NXPH1: variants seen among roughly 807,000 people sequenced by gnomAD.
The protein encoded by NXPH1 is neurexophilin-1.
In NXPH1, 5 loss-of-function variants were observed where a neutral mutation model predicts 23.7. That is an observed-to-expected ratio of 0.21 (90% CI 0.11 to 0.44). NXPH1 has a LOEUF of 0.44. NXPH1 is among the 20% of genes least tolerant of loss of function. The pLI, the probability that NXPH1 is intolerant of heterozygous loss-of-function variation, is 0.99. For missense variants in NXPH1, 324 were observed against 321.6 expected, an observed-to-expected ratio of 1.01 and a Z score of -0.06; for synonymous variants, 144 against 122.2, an observed-to-expected ratio of 1.18 and a Z score of -1.18.
At chr7:8,744,631 C>T (rs1780437867) in intron 2 of NXPH1, among the ~76,000 whole-genome samples, 2 of 152,188 alleles carry the variant, frequency 1.3e-5, no homozygotes, top group Non-Finnish European at 2.9e-5. Context: ...GATCCTTGTT[C>T]CCAGTTTCCT....
chr7:8,499,052 C>A (rs563785002), intron 2 of NXPH1, among the ~76,000 whole-genome samples: 2 of 152,156 alleles, frequency 1.3e-5, no homozygotes, highest in South Asian at 4.1e-4. Context: ...TAGTGTAAAG[C>A]CTCCTATCAG....
chr7:8,464,657 T>C (rs192751322), intron 2 of NXPH1, among the ~76,000 whole-genome samples: 72 of 152,326 alleles, frequency 4.7e-4, no homozygotes, highest in African/African-American at 1.6e-3. Context: ...ATAACCAATT[T>C]CCTCGTTTAT....
At chr7:8,618,171 C>A (rs1819786942) in intron 2 of NXPH1, among the ~76,000 whole-genome samples, 1 of 152,078 alleles carries the variant, frequency 6.6e-6, no homozygotes, top group Admixed American at 6.6e-5. Flanking sequence ...CAACACTAAC[C>A]AAAAGGGTAG....
At chr7:8,624,564 G>A (rs958143059) in intron 2 of NXPH1, among the ~76,000 whole-genome samples, 8 of 152,084 alleles carry the variant, frequency 5.3e-5, no homozygotes, top group African/African-American at 1.9e-4. Context: ...AACCAGAAGG[G>A]AAAAGATAGT....
intron 2 of NXPH1, among the ~76,000 whole-genome samples, chr7:8,621,133 T>C (rs931212143): frequency 2.6e-5 from 4 of 152,134 alleles, no homozygotes; most frequent in African/African-American, 9.7e-5. Context: ...ATTTAATTAA[T>C]GTATATAACT....
chr7:8,447,339 G>A (rs1816422917), intron 2 of NXPH1, among the ~76,000 whole-genome samples: 1 of 152,200 alleles, frequency 6.6e-6, no homozygotes, highest in Non-Finnish European at 1.5e-5. Context: ...AAAGATGCAA[G>A]CCACTGCATG....
chr7:8,449,739 T>A (rs950065611), intron 2 of NXPH1, among the ~76,000 whole-genome samples: 20 of 152,238 alleles, frequency 1.3e-4, no homozygotes, highest in Non-Finnish European at 2.4e-4. Flanking sequence ...AAGAAATAAC[T>A]GTTGCCTTCC....
At chr7:8,732,948 T>A (rs1270703992) in intron 2 of NXPH1, among the ~76,000 whole-genome samples, 3 of 152,232 alleles carry the variant, frequency 2.0e-5, no homozygotes, top group Non-Finnish European at 4.4e-5. Flanking sequence ...TACATAGGTA[T>A]ACATGTGCCA....
At chr7:8,565,302 A>G (rs1485202926) in intron 2 of NXPH1, among the ~76,000 whole-genome samples, 1 of 151,770 alleles carries the variant, frequency 6.6e-6, no homozygotes, top group African/African-American at 2.4e-5. Flanking sequence ...CAAGAACATC[A>G]CTGGAAAGAG....
At chr7:8,726,461 A>G (rs905102092) in intron 2 of NXPH1, among the ~76,000 whole-genome samples, 2 of 147,646 alleles carry the variant, frequency 1.4e-5, no homozygotes, top group African/African-American at 5.0e-5. Flanking sequence ...CATTAGGTAT[A>G]TCTCCCAATG....
At chr7:8,735,210 G>T (rs963750870) in intron 2 of NXPH1, among the ~76,000 whole-genome samples, 2 of 152,096 alleles carry the variant, frequency 1.3e-5, no homozygotes, top group African/African-American at 4.8e-5. Flanking sequence ...GGGCATCCTT[G>T]TCTTGTGCCA....
At chr7:8,689,440 A>G (rs1260930449) in intron 2 of NXPH1, among the ~76,000 whole-genome samples, 1 of 152,190 alleles carries the variant, frequency 6.6e-6, no homozygotes, top group Non-Finnish European at 1.5e-5. Flanking sequence ...AAGGGGACCT[A>G]CAAGGTAATA....
At chr7:8,524,486 A>G (rs1817831177) in intron 2 of NXPH1, among the ~76,000 whole-genome samples, 1 of 152,008 alleles carries the variant, frequency 6.6e-6, no homozygotes, top group African/African-American at 2.4e-5. Flanking sequence ...CTGACTGACA[A>G]TTACCTTTTG....
chr7:8,553,358 A>G (rs1020033983), intron 2 of NXPH1, among the ~76,000 whole-genome samples: 10 of 115,400 alleles, frequency 8.7e-5, no homozygotes, highest in African/African-American at 2.9e-4. Context: ...TTTTTTGCTT[A>G]TTATGTGTAT....
chr7:8,736,588 A>C (rs1327756262), intron 2 of NXPH1, among the ~76,000 whole-genome samples: 2 of 152,218 alleles, frequency 1.3e-5, no homozygotes, highest in Non-Finnish European at 1.5e-5. Context: ...TGTGGTGCTG[A>C]CAAGAATGTA....
intron 2 of NXPH1, among the ~76,000 whole-genome samples, chr7:8,733,582 G>A (rs1052483506): frequency 6.6e-5 from 10 of 152,146 alleles, no homozygotes; most frequent in East Asian, 3.9e-4. Flanking sequence ...TCTAACTGGC[G>A]TGAGATAGTA....
intron 2 of NXPH1, among the ~76,000 whole-genome samples, chr7:8,637,850 A>G (rs77217096): frequency 0.052 from 7,876 of 152,274 alleles, 418 homozygotes; most frequent in East Asian, 0.17. Flanking sequence ...ATTAATAAGA[A>G]GGACTTTGGT....
chr7:8,624,556 C>T (rs903126374), intron 2 of NXPH1, among the ~76,000 whole-genome samples: 1 of 151,922 alleles, frequency 6.6e-6, no homozygotes, highest in African/African-American at 2.4e-5. Flanking sequence ...GCAGGCCAAA[C>T]CAGAAGGGAA....
chr7:8,551,788 C>T (rs1400913437), intron 2 of NXPH1, among the ~76,000 whole-genome samples: 1 of 151,342 alleles, frequency 6.6e-6, no homozygotes, highest in Non-Finnish European at 1.5e-5. Context: ...AACAAATGAG[C>T]AAGAAAACAG....
Sources: allele counts gnomAD v4.1 joint callset (sites outside exome capture counted in the v4.1 genomes callset), GRCh38; gene constraint gnomAD v4.1.1; transcripts MANE v1.5; gene names NCBI Gene and HGNC (gene_info 2026-07-23, HGNC 2026-07-21).